The following SLA variants were observed in gnomAD, a reference collection of about 807,000 sequenced individuals.
The protein encoded by SLA is Src like adaptor.
In SLA, 16 loss-of-function variants were observed where a neutral mutation model predicts 30.3. That is an observed-to-expected ratio of 0.53 (90% CI 0.36 to 0.80). The LOEUF (loss-of-function observed/expected upper bound fraction) is 0.80. Ranked by LOEUF, SLA falls within the 30% of genes least tolerant of loss-of-function variation. SLA has a pLI of 0.01. For missense variants in SLA, 310 were observed against 345.2 expected (o/e 0.90, Z 0.81); for synonymous variants, 143 against 137.8 (o/e 1.04, Z -0.26).
At position 133,038,095 on chromosome 8, in the gene SLA, C is replaced by G. The variant is rs745658531; in HGVS notation, c.*429G>C. ...CAAACCCAGACCTTCTGCCAGGACACAGCTTTTGTTTCCTCTCCCTCTCAG... is the reference window on the plus strand; with the variant it reads ...CAAACCCAGACCTTCTGCCAGGACAGAGCTTTTGTTTCCTCTCCCTCTCAG... On this transcript the variant is annotated 3_prime_UTR_variant, in exon 9 of 9. Coordinates refer to ENST00000338087, the MANE Select transcript of SLA (RefSeq NM_001045556.3). The G allele has an allele frequency of 5.7e-6, 1 of 175,002 alleles. No individual in the cohort carries two copies. The highest frequency in any genetic ancestry group is 1.2e-5 in the Non-Finnish European group (1 of 82,380). The allele number at this position is 175,002 out of a possible 1,614,324, so 10.8% of individuals were successfully genotyped here.
chr8:133,092,996 A>G (rs1201638083), intron 1 of SLA, among the ~76,000 whole-genome samples: 1 of 152,106 alleles, frequency 6.6e-6, no homozygotes, highest in Non-Finnish European at 1.5e-5. Flanking sequence ...AAATATTGAA[A>G]CCGTCAGTGG....
intron 2 of SLA, among the ~76,000 whole-genome samples, chr8:133,060,640 T>C (rs1029606849): frequency 6.6e-6 from 1 of 152,232 alleles, no homozygotes; most frequent in Non-Finnish European, 1.5e-5. Context: ...GAGAAGGTAC[T>C]TTCTGCTGCT....
chr8:133,078,193 C>A (rs1466267248), intron 1 of SLA, among the ~76,000 whole-genome samples: 6 of 152,178 alleles, frequency 3.9e-5, no homozygotes, highest in African/African-American at 1.4e-4. Flanking sequence ...AGAAGAGGAA[C>A]TGGTTTGTGG....
chr8:133,084,337 A>G (rs573198175), intron 1 of SLA, among the ~76,000 whole-genome samples: 1 of 152,306 alleles, frequency 6.6e-6, no homozygotes, highest in African/African-American at 2.4e-5. Flanking sequence ...GGTCTTTTAC[A>G]AGTTATAATG....
intron 3 of SLA, among the ~76,000 whole-genome samples, chr8:133,052,671 C>T (rs371430287): frequency 6.6e-6 from 1 of 152,216 alleles, no homozygotes; most frequent in South Asian, 2.1e-4. Flanking sequence ...TCACAAAGGG[C>T]AGGTTCACAT....
chr8:133,100,043 G>T (rs2979019), intron 1 of SLA, among the ~76,000 whole-genome samples: 47,893 of 152,008 alleles, frequency 0.32, 8,189 homozygotes, highest in African/African-American at 0.44. Context: ...AGTCTTCTAT[G>T]AACTGCCAGA....
chr8:133,073,163 G>A (rs1053060731), intron 2 of SLA: 2 of 152,156 alleles, frequency 1.3e-5, no homozygotes, highest in African/African-American at 4.8e-5. Flanking sequence ...GAGTTCTTTG[G>A]TGGCCGACCC....
intron 1 of SLA, among the ~76,000 whole-genome samples, chr8:133,083,060 T>G (rs969247733): frequency 6.6e-6 from 1 of 152,206 alleles, no homozygotes; most frequent in African/African-American, 2.4e-5. Context: ...GCAGGCCTAG[T>G]TGCTATAGAA....
At chr8:133,054,851 G>A (rs925975524) in intron 3 of SLA, among the ~76,000 whole-genome samples, 12 of 152,150 alleles carry the variant, frequency 7.9e-5, no homozygotes, top group Non-Finnish European at 1.5e-5. Flanking sequence ...AAGAGAGGAC[G>A]GGCCCTTTTG....
chr8:133,044,174 A>G (rs545793404), intron 7 of SLA, among the ~76,000 whole-genome samples: 1 of 152,318 alleles, frequency 6.6e-6, no homozygotes, highest in African/African-American at 2.4e-5. Context: ...GTTTTTGGAA[A>G]TGTAGCATTT....
chr8:133,074,667 A>G lies in SLA; in HGVS notation c.-41+186T>C, dbSNP rs140218626. ...CTTCTCTCCACAGAATTATGCATCC[A>G]ACACCCACTGAGCCACTGCAGTGTG... On this transcript the variant is annotated intron_variant, in intron 2 of 8. Coordinates refer to ENST00000338087, the MANE Select transcript of SLA (RefSeq NM_001045556.3). 1.9e-3 allele frequency among the ~76,000 whole-genome samples: 282 copies of G among 152,282 alleles called. 1 individual carries two copies. The highest frequency in any genetic ancestry group is 6.2e-3 in the African/African-American group (257 of 41,556).
chr8:133,099,271 C>T (rs1033929495), intron 1 of SLA, among the ~76,000 whole-genome samples: 1 of 152,192 alleles, frequency 6.6e-6, no homozygotes, highest in African/African-American at 2.4e-5. Flanking sequence ...TTGGTTAGAC[C>T]GTTCGTTTCT....
chr8:133,040,814 A>T (rs1838076986), intron 7 of SLA, among the ~76,000 whole-genome samples: 1 of 152,204 alleles, frequency 6.6e-6, no homozygotes, highest in African/African-American at 2.4e-5. Flanking sequence ...GAGAAAACAA[A>T]GATAAAGAGG....
At chr8:133,038,771 GA>G (rs752784424) in intron 8 of SLA, 34 bp from the exon 9 acceptor site, 11 of 1,454,748 alleles carry the variant, frequency 7.6e-6, no homozygotes, top group African/African-American at 1.4e-5. Context: ...TAGAGAAAGG[GA>G]AAAAAAGAGA....
At chr8:133,044,426 C>T (rs761395646) in intron 7 of SLA, among the ~76,000 whole-genome samples, 8 of 152,108 alleles carry the variant, frequency 5.3e-5, no homozygotes, top group Non-Finnish European at 5.9e-5. Flanking sequence ...AAATGTAATT[C>T]TTAGTCTTTA....
At chr8:133,095,375 C>T (rs988665844) in intron 1 of SLA, among the ~76,000 whole-genome samples, 1 of 152,162 alleles carries the variant, frequency 6.6e-6, no homozygotes, top group African/African-American at 2.4e-5. Flanking sequence ...TGTGCATGCG[C>T]CACAGCCTGC....
At chr8:133,071,923 A>G (rs1423668094) in intron 2 of SLA, among the ~76,000 whole-genome samples, 1 of 152,212 alleles carries the variant, frequency 6.6e-6, no homozygotes, top group Non-Finnish European at 1.5e-5. Flanking sequence ...TGTCTGGCAC[A>G]TAATGCAAGC....
chr8:133,059,991 G>A (rs1475492200), intron 3 of SLA, 109 bp downstream of exon 3: 8 of 1,092,076 alleles, frequency 7.3e-6, no homozygotes, highest in South Asian at 5.3e-5. Context: ...TGAGCCCTTC[G>A]GTACCCATTG....
chr8:133,095,240 A>G lies in SLA; in HGVS notation c.-319+7313T>C, dbSNP rs763683563. On this transcript the variant is annotated intron_variant, in intron 1 of 8. Coordinates refer to ENST00000338087, the MANE Select transcript of SLA (RefSeq NM_001045556.3). ...ACTTAAGTGCAAGTTGGGAAGGGAC[A>G]TTCTCTGGTCTTTTACAAATAGAAA... 3.7e-5 allele frequency: 59 copies of G among 1,614,034 alleles called. No individual in the cohort carries two copies. In the Admixed American group the frequency reaches 9.2e-4, roughly 25 times the overall value.
Sources: gnomAD v4.1 joint callset for allele counts (sites outside exome capture counted in the v4.1 genomes callset) on GRCh38, gnomAD v4.1.1 for gene constraint, MANE v1.5 for transcripts, NCBI Gene and HGNC (gene_info 2026-07-23, HGNC 2026-07-21) for gene names.